The following KYAT1 variants were observed in gnomAD, a reference collection of about 807,000 sequenced individuals.
KYAT1 encodes kynurenine aminotransferase 1.
In KYAT1, 47 loss-of-function variants were observed where a neutral mutation model predicts 52.4. The ratio of observed to expected loss-of-function variants is 0.90; its 90% CI spans 0.71 to 1.14. The LOEUF (loss-of-function observed/expected upper bound fraction) is 1.14. KYAT1 is among the 50% of genes most tolerant of loss of function. The pLI is 0.00. For synonymous variants in KYAT1, 212 were observed against 209.6 expected, an observed-to-expected ratio of 1.01 and a Z score of -0.10; for missense variants, 480 against 557.9, an observed-to-expected ratio of 0.86 and a Z score of 1.41.
chr9:128,882,477 C>G, upstream of KYAT1: 1 of 381,058 alleles, frequency 2.6e-6, no homozygotes, highest in Non-Finnish European at 4.6e-6. Context: ...CGCGAGCCCC[C>G]TCCCAGGCAC....
At chr9:128,858,926 T>C (rs920163012) in intron 1 of KYAT1, among the ~76,000 whole-genome samples, 1 of 144,500 alleles carries the variant, frequency 6.9e-6, no homozygotes, top group Non-Finnish European at 1.5e-5. Context: ...GGGAATTGCT[T>C]GGAGGCTAAA....
At chr9:128,847,054 A>C (rs1417404302) in intron 1 of KYAT1, among the ~76,000 whole-genome samples, 1 of 152,196 alleles carries the variant, frequency 6.6e-6, no homozygotes, top group Non-Finnish European at 1.5e-5. Context: ...CAGCCACAGT[A>C]ATCTCAACAC....
rs1836104904 is a variant in KYAT1, at chr9:128,865,328, TATATATATATATATATATATATATA to T, written c.-7+16544_-7+16568del. Among the ~76,000 whole-genome samples, 9 of 36,648 alleles carry T rather than the reference TATATATATATATATATATATATATA, an allele frequency of 2.5e-4. No homozygotes were observed. The African/African-American group carries it at 3.2e-3, about 13-fold the overall frequency. 24.0% of individuals were successfully genotyped at this position (36,648 alleles called of 152,430 possible). ...GCCTACATATATATATATATATATA[TATATATATATATATATATATATATA>T]TATATATTTTTTTTTTTTTTTTTTT... On this transcript the variant is annotated intron_variant, in intron 1 of 12. Transcript: ENST00000302586.
chr9:128,844,989 C>G (rs990547668), intron 2 of KYAT1, among the ~76,000 whole-genome samples: 1 of 152,134 alleles, frequency 6.6e-6, no homozygotes, highest in Non-Finnish European at 1.5e-5. Context: ...TGACTCTATA[C>G]CAAGTGAGAA....
chr9:128,866,846 T>C (rs12000424), intron 1 of KYAT1, among the ~76,000 whole-genome samples: 12,678 of 147,470 alleles, frequency 0.086, 817 homozygotes, highest in African/African-American at 0.19. Flanking sequence ...GCGGAGGTTG[T>C]GGTGAACTGA....
chr9:128,846,600 C>CAAAAAA (rs57333664), intron 1 of KYAT1: 110 of 419,112 alleles, frequency 2.6e-4, no homozygotes, highest in East Asian at 6.5e-4. Context: ...AAGACTCTAC[C>CAAAAAA]AAAAAAAAAA....
chr9:128,844,238 T>A (rs568353640), intron 2 of KYAT1, among the ~76,000 whole-genome samples: 3 of 152,152 alleles, frequency 2.0e-5, no homozygotes, highest in Non-Finnish European at 2.9e-5. Context: ...TACCAATAAA[T>A]ATGTCTAAAA....
At position 128,837,727 on chromosome 9, in the gene KYAT1, G is replaced by T. The variant is rs749936425; in HGVS notation, c.525C>A (p.Thr175=). 7 of 1,614,156 alleles carry T rather than the reference G, an allele frequency of 4.3e-6. No individual in the cohort carries two copies. In the East Asian group the frequency reaches 1.3e-4, roughly 31 times the overall value. ...MELAGKFTSR[T]KALVLNTPNN... ...TGGGGGTGTTGAGGACCAGGGCTTT[G>T]GTGCGTGATGTGAATTTGCCGGCCA... The change falls in exon 6 of 13, where the codon ACC becomes ACA. Residue 175 remains threonine, a synonymous_variant. Transcript: ENST00000302586.
At chr9:128,862,350 T>G (rs1835573206) in intron 1 of KYAT1, among the ~76,000 whole-genome samples, 2 of 152,230 alleles carry the variant, frequency 1.3e-5, no homozygotes, top group East Asian at 1.9e-4. Context: ...GGACTCACTC[T>G]GTCCCAATAC....
At chr9:128,870,028 A>G (rs1837016024) in intron 1 of KYAT1, among the ~76,000 whole-genome samples, 1 of 152,086 alleles carries the variant, frequency 6.6e-6, no homozygotes, top group Non-Finnish European at 1.5e-5. Flanking sequence ...TGCTGCAATT[A>G]CCCGGGCCCG....
At chr9:128,835,729 G>A in intron 9 of KYAT1, 50 bp downstream of exon 9, 2 of 1,604,312 alleles carry the variant, frequency 1.2e-6, no homozygotes, top group Middle Eastern at 1.7e-4. Context: ...GGCCAGCCTG[G>A]GCTCTTTTGT....
intron 1 of KYAT1, among the ~76,000 whole-genome samples, chr9:128,857,594 T>C (rs1161271531): frequency 2.6e-5 from 4 of 152,216 alleles, no homozygotes; most frequent in African/African-American, 9.6e-5. Flanking sequence ...CCCAGCACTT[T>C]GGGAGGCCAG....
intron 1 of KYAT1, 56 bp from the exon 2 acceptor site, chr9:128,845,467 G>T: frequency 1.3e-6 from 2 of 1,538,014 alleles, no homozygotes; most frequent in South Asian, 1.1e-5. Context: ...GCAGCAGTCC[G>T]AGCTTGCACA....
At chr9:128,868,520 T>G (rs148427439) in intron 1 of KYAT1, among the ~76,000 whole-genome samples, 1 of 152,156 alleles carries the variant, frequency 6.6e-6, no homozygotes, top group East Asian at 1.9e-4. Flanking sequence ...GTCTCCCAAG[T>G]AGCTGGACAT....
intron 1 of KYAT1, among the ~76,000 whole-genome samples, chr9:128,877,764 G>A (rs1229529896): frequency 1.3e-5 from 2 of 152,212 alleles, no homozygotes; most frequent in Non-Finnish European, 2.9e-5. Context: ...AATTTGAGAT[G>A]AGTCAGTTCT....
intron 1 of KYAT1, among the ~76,000 whole-genome samples, chr9:128,848,897 G>A (rs979826881): frequency 1.3e-5 from 2 of 151,878 alleles, no homozygotes; most frequent in African/African-American, 4.8e-5. Context: ...GGAGGCCAAG[G>A]CGGGAGGATC....
intron 1 of KYAT1, among the ~76,000 whole-genome samples, chr9:128,848,702 C>G (rs936550510): frequency 2.0e-5 from 3 of 151,414 alleles, no homozygotes; most frequent in African/African-American, 7.3e-5. Flanking sequence ...CCTGTAATCC[C>G]AGTTACTGGG....
At chr9:128,865,042 C>T (rs1029012412) in intron 1 of KYAT1, among the ~76,000 whole-genome samples, 3 of 150,840 alleles carry the variant, frequency 2.0e-5, no homozygotes, top group South Asian at 4.2e-4. Context: ...GCCTGGGCAA[C>T]GTAGTGAGAC....
intron 1 of KYAT1, among the ~76,000 whole-genome samples, chr9:128,864,549 C>T (rs560395199): frequency 3.9e-5 from 6 of 152,162 alleles, no homozygotes; most frequent in South Asian, 4.1e-4. Flanking sequence ...CATAGCCCAG[C>T]CCATTTGCTG....
Sources: allele counts gnomAD v4.1 joint callset (sites outside exome capture counted in the v4.1 genomes callset), GRCh38; gene constraint gnomAD v4.1.1; transcripts MANE v1.5; gene names NCBI Gene and HGNC (gene_info 2026-07-23, HGNC 2026-07-21).